The following PARP8 variants were observed in gnomAD, a reference collection of about 807,000 sequenced individuals.
PARP8 encodes the protein poly(ADP-ribose) polymerase family member 8, also known as protein mono-ADP-ribosyltransferase PARP8.
A neutral mutation model predicts 124.1 loss-of-function variants in PARP8; 51 were observed. The observed-to-expected ratio is 0.41, with a 90% CI of 0.33 to 0.52. The LOEUF (loss-of-function observed/expected upper bound fraction) is 0.52, where lower values mean the gene tolerates loss of function less well. PARP8 is among the 20% of genes least tolerant of loss of function. The pLI is 0.21. For missense variants in PARP8, 860 were observed against 1,018.9 expected (o/e 0.84, Z 2.12); for synonymous variants, 391 against 361.5 (o/e 1.08, Z -0.93).
At chr5:50,804,831 T>A (rs1743644190) in intron 14 of PARP8, among the ~76,000 whole-genome samples, 1 of 152,208 alleles carries the variant, frequency 6.6e-6, no homozygotes, top group Admixed American at 6.5e-5. Flanking sequence ...AGTTTTTATA[T>A]TTTATTTTCA....
At chr5:50,827,657 T>C (rs184454257) in intron 19 of PARP8, among the ~76,000 whole-genome samples, 189 of 152,298 alleles carry the variant, frequency 1.2e-3, no homozygotes, top group Non-Finnish European at 2.3e-3. Flanking sequence ...TTAAACATGA[T>C]TGCATACTGT....
chr5:50,810,966 T>C (rs2149681594), intron 14 of PARP8, among the ~76,000 whole-genome samples: 1 of 152,226 alleles, frequency 6.6e-6, no homozygotes, highest in East Asian at 1.9e-4. Context: ...TCCTTACTTT[T>C]ACTTCTCGTT....
At position 50,738,465 on chromosome 5, in the gene PARP8, T is replaced by G. The variant is rs1461011220; in HGVS notation, c.147-11686T>G. ...CATTAAAATAATCAGGTAAAAATCATAAAATTAAATCAAAGCTATATGTTT... is the reference window on the plus strand; with the variant it reads ...CATTAAAATAATCAGGTAAAAATCAGAAAATTAAATCAAAGCTATATGTTT... On this transcript the variant is annotated intron_variant, in intron 2 of 25. Transcript: ENST00000281631. Among the ~76,000 whole-genome samples, 12 of 152,260 alleles carry G rather than the reference T, an allele frequency of 7.9e-5. No individual in the cohort carries two copies. In the East Asian group the frequency reaches 2.3e-3, roughly 29 times the overall value.
chr5:50,821,578 A>G (rs1020773733), intron 16 of PARP8, among the ~76,000 whole-genome samples: 9 of 151,838 alleles, frequency 5.9e-5, no homozygotes, highest in Non-Finnish European at 1.3e-4. Flanking sequence ...TTTCACTTCA[A>G]CCCTCCTTTC....
At chr5:50,798,715 C>T (rs1742846211) in intron 14 of PARP8, among the ~76,000 whole-genome samples, 1 of 152,146 alleles carries the variant, frequency 6.6e-6, no homozygotes. Flanking sequence ...AACCACCGCG[C>T]CTGGCCTGAG....
In PARP8 at chr5:50,761,844, G is replaced by A. The variant is rs767582155; in HGVS notation, c.369G>A (p.Val123=). ...NGEESRQNST[V]EEDSEGDNDS... ...AGGAATCAAGACAGAATAGTACAGTGGAGGAAGATTCTGAAGGTGACAATG... is the reference window on the plus strand; with the variant it reads ...AGGAATCAAGACAGAATAGTACAGTAGAGGAAGATTCTGAAGGTGACAATG... Residue 123 remains valine (V), a synonymous_variant, in exon 6 of 26, where the codon GTG becomes GTA. Coordinates refer to ENST00000281631, the MANE Select transcript of PARP8 (RefSeq NM_024615.4). 1.2e-6 allele frequency: 2 copies of A among 1,600,736 alleles called. No individual in the cohort carries two copies. The highest frequency in any genetic ancestry group is 4.5e-5 in the East Asian group (2 of 44,290).
At chr5:50,707,939 G>T (rs1212116621) in intron 2 of PARP8, among the ~76,000 whole-genome samples, 1 of 151,946 alleles carries the variant, frequency 6.6e-6, no homozygotes, top group Non-Finnish European at 1.5e-5. Flanking sequence ...CTTACCACAC[G>T]ATCTCGCACC....
chr5:50,701,695 T>G (rs781238303), intron 2 of PARP8, among the ~76,000 whole-genome samples: 1 of 152,160 alleles, frequency 6.6e-6, no homozygotes, highest in Non-Finnish European at 1.5e-5. Context: ...TTGATTAATA[T>G]ATCCAAAATA....
chr5:50,737,888 C>T (rs1480777783), intron 2 of PARP8, among the ~76,000 whole-genome samples: 1 of 152,136 alleles, frequency 6.6e-6, no homozygotes, highest in East Asian at 1.9e-4. Context: ...TAAATACTTA[C>T]TAATCAAAAT....
At chr5:50,758,585 A>T (rs1580234547) in intron 3 of PARP8, among the ~76,000 whole-genome samples, 1 of 152,214 alleles carries the variant, frequency 6.6e-6, no homozygotes. Flanking sequence ...TCCCTGCGCC[A>T]TAAGAACAAC....
intron 2 of PARP8, among the ~76,000 whole-genome samples, chr5:50,725,532 C>T (rs1756338556): frequency 1.3e-5 from 2 of 152,152 alleles, no homozygotes; most frequent in Admixed American, 6.6e-5. Context: ...TGCTCCCTAA[C>T]ATGAATGCAT....
At chr5:50,836,368 ATGACCCATGAAAAATATTTT>A (rs750578183) in intron 25 of PARP8, among the ~76,000 whole-genome samples, 5 of 152,188 alleles carry the variant, frequency 3.3e-5, no homozygotes, top group Non-Finnish European at 7.3e-5. Flanking sequence ...CAAGAAACAG[ATGACCCATGAAAAATATTTT>A]TGGGTCATCC....
intron 2 of PARP8, chr5:50,668,384 C>G (rs1376879570): frequency 4.3e-6 from 2 of 461,304 alleles, no homozygotes; most frequent in Admixed American, 6.9e-5. Flanking sequence ...TGCTACAGTA[C>G]TAGATTGCTC....
chr5:50,817,038 G>A (rs1745185452), intron 15 of PARP8, among the ~76,000 whole-genome samples: 1 of 152,036 alleles, frequency 6.6e-6, no homozygotes, highest in African/African-American at 2.4e-5. Context: ...AATTCTTCAA[G>A]TAGTATACTT....
At chr5:50,727,130 A>G (rs1461789037) in intron 2 of PARP8, among the ~76,000 whole-genome samples, 5 of 152,116 alleles carry the variant, frequency 3.3e-5, no homozygotes, top group Non-Finnish European at 7.4e-5. Flanking sequence ...TAGCTCTGAT[A>G]ATAGTTTTTG....
At chr5:50,816,322 G>A (rs564470801) in intron 15 of PARP8, among the ~76,000 whole-genome samples, 1 of 152,212 alleles carries the variant, frequency 6.6e-6, no homozygotes, top group East Asian at 1.9e-4. Context: ...TTGGTTTAGC[G>A]CTTTACCTTA....
rs759075504 is a variant in PARP8, at chr5:50,795,331, C to A, written c.1342C>A (p.Pro448Thr). The A allele has an allele frequency of 9.9e-6, 16 of 1,614,020 alleles. No homozygotes were observed. The highest frequency in any genetic ancestry group is 1.4e-5 in the Non-Finnish European group (16 of 1,180,038). Residue 448 changes from proline (P) to threonine (T), a missense_variant, in exon 12 of 26, where the codon CCT (proline) becomes ACT (threonine). Pro to Thr is a conservative substitution (Grantham distance 38). This residue lies in a region of PARP8 where 517 missense variants were observed against 544.2 expected (regional missense o/e 0.95). Transcript: ENST00000281631. ...KSSKTELFKE[P>T]NAEGRRLSLT... ...ATCCAAAACTGAGCTTTTCAAGGAACCTAACGCAGAGGGCAGGAGGCTCTC... is the reference window on the plus strand; with the variant it reads ...ATCCAAAACTGAGCTTTTCAAGGAAACTAACGCAGAGGGCAGGAGGCTCTC...
At chr5:50,830,000 G>T in intron 22 of PARP8, 39 bp downstream of exon 22, 1 of 1,588,736 alleles carries the variant, frequency 6.3e-7, no homozygotes, top group Non-Finnish European at 8.6e-7. Flanking sequence ...ACATTTATTA[G>T]GTTTTAATTT....
At chr5:50,746,932 A>C (rs1474836448) in intron 2 of PARP8, among the ~76,000 whole-genome samples, 1 of 152,052 alleles carries the variant, frequency 6.6e-6, no homozygotes, top group Non-Finnish European at 1.5e-5. Flanking sequence ...AGGAGGCTGC[A>C]GGGGGCAGTT....
Sources: allele counts gnomAD v4.1 joint callset (sites outside exome capture counted in the v4.1 genomes callset), GRCh38; gene constraint gnomAD v4.1.1; regional missense constraint gnomAD v4.1.1; transcripts MANE v1.5; gene names NCBI Gene and HGNC (gene_info 2026-07-23, HGNC 2026-07-21).